Variants in POU6F2 observed in about 807,000 individuals in gnomAD.
POU6F2 encodes POU domain, class 6, transcription factor 2.
POU6F2 carries 31 observed loss-of-function variants against 71.3 expected under a neutral mutation model. The ratio of observed to expected loss-of-function variants is 0.43; its 90% CI spans 0.33 to 0.59. The LOEUF (loss-of-function observed/expected upper bound fraction) is 0.59, where lower values mean the gene tolerates loss of function less well. Ranked by LOEUF, POU6F2 falls within the 20% of genes least tolerant of loss-of-function variation. The pLI is 0.04. For missense variants in POU6F2, 783 were observed against 856.8 expected (o/e 0.91, Z 1.07); for synonymous variants, 347 against 355.7 (o/e 0.98, Z 0.27).
intron 4 of POU6F2, among the ~76,000 whole-genome samples, chr7:39,245,286 C>G (rs1373492754): frequency 6.6e-6 from 1 of 152,116 alleles, no homozygotes; most frequent in Non-Finnish European, 1.5e-5. Flanking sequence ...AAACTTGACC[C>G]AAGTAGAATT....
intron 4 of POU6F2, among the ~76,000 whole-genome samples, chr7:39,243,797 A>G (rs1212653035): frequency 1.3e-5 from 2 of 152,058 alleles, no homozygotes; most frequent in East Asian, 3.9e-4. Context: ...CCCAGAATCC[A>G]TCTGATTTGT....
At chr7:39,004,097 C>A (rs1463294548) in intron 1 of POU6F2, among the ~76,000 whole-genome samples, 2 of 152,020 alleles carry the variant, frequency 1.3e-5, no homozygotes, top group African/African-American at 4.8e-5. Context: ...GATAACAATT[C>A]ATCTTGATGT....
chr7:39,130,371 C>A (rs987512701), intron 2 of POU6F2, among the ~76,000 whole-genome samples: 2 of 152,090 alleles, frequency 1.3e-5, no homozygotes, highest in African/African-American at 4.8e-5. Flanking sequence ...TCTTTAAATA[C>A]AGGATGCCTG....
chr7:39,217,792 T>C (rs1794272774), intron 4 of POU6F2, among the ~76,000 whole-genome samples: 1 of 152,188 alleles, frequency 6.6e-6, no homozygotes, highest in African/African-American at 2.4e-5. Context: ...AGACTTTTTA[T>C]TTAAAATACC....
rs181252449 is a variant in POU6F2 at position 39,332,378 on chromosome 7, A to G, written c.599-7264A>G. Among the ~76,000 whole-genome samples the G allele has an allele frequency of 5.5e-3, 842 of 152,290 alleles. 5 individuals carry two copies. Among genetic ancestry groups the G allele is most frequent in the Middle Eastern group, 0.027 (8 of 294 alleles). On this transcript the variant is annotated intron_variant, in intron 4 of 9. Coordinates refer to ENST00000518318, the MANE Select transcript of POU6F2 (RefSeq NM_001370959.1). ...TGTGTTGCTCTCTTGAGTGACTTCA[A>G]CGCTGTTTCCTGGGTCCTTTGTCTT...
chr7:39,129,205 G>A (rs753871294), intron 2 of POU6F2, among the ~76,000 whole-genome samples: 1 of 152,148 alleles, frequency 6.6e-6, no homozygotes, highest in African/African-American at 2.4e-5. Context: ...TTAGGAGAAT[G>A]GCTTTCTCCT....
At chr7:39,035,920 C>CT (rs1562680174) in intron 1 of POU6F2, among the ~76,000 whole-genome samples, 2 of 34,134 alleles carry the variant, frequency 5.9e-5, no homozygotes, top group African/African-American at 9.4e-5. Context: ...TTCAAATAAA[C>CT]ATTTTTTTTT....
At chr7:39,402,347 A>G (rs1257374613) in intron 5 of POU6F2, among the ~76,000 whole-genome samples, 1 of 152,224 alleles carries the variant, frequency 6.6e-6, no homozygotes, top group Non-Finnish European at 1.5e-5. Context: ...TGAGATGAGC[A>G]CCAAATATCC....
At chr7:39,035,661 TA>T in intron 1 of POU6F2, among the ~76,000 whole-genome samples, 1 of 151,932 alleles carries the variant, frequency 6.6e-6, no homozygotes, top group Middle Eastern at 3.4e-3. Flanking sequence ...CTGGAGAAAT[TA>T]AGGAATATTA....
At chr7:39,200,454 G>A (rs1156361148) in intron 2 of POU6F2, among the ~76,000 whole-genome samples, 1 of 152,162 alleles carries the variant, frequency 6.6e-6, no homozygotes, top group Non-Finnish European at 1.5e-5. Flanking sequence ...TCCTGATTAT[G>A]CTACCATGGA....
intron 1 of POU6F2, among the ~76,000 whole-genome samples, chr7:39,060,037 G>A (rs890264064): frequency 4.6e-5 from 7 of 152,002 alleles, no homozygotes; most frequent in African/African-American, 1.7e-4. Flanking sequence ...GTGAAACCCC[G>A]TCTCTACTAA....
chr7:39,279,558 A>C (rs1251702415), intron 4 of POU6F2, among the ~76,000 whole-genome samples: 1 of 152,148 alleles, frequency 6.6e-6, no homozygotes, highest in Admixed American at 6.5e-5. Context: ...GAAGTCTGAA[A>C]TCAAGGTGTC....
chr7:39,210,779 A>G (rs563884954), intron 4 of POU6F2, among the ~76,000 whole-genome samples: 78 of 152,302 alleles, frequency 5.1e-4, no homozygotes, highest in Non-Finnish European at 8.5e-4. Flanking sequence ...CTGCATTTTT[A>G]AAAGATCCCC....
intron 4 of POU6F2, among the ~76,000 whole-genome samples, chr7:39,216,634 A>C (rs1794248128): frequency 6.6e-6 from 1 of 152,162 alleles, no homozygotes; most frequent in Non-Finnish European, 1.5e-5. Context: ...TTGTACAAAA[A>C]GGGGGAATTT....
chr7:39,309,588 A>G (rs1785119014), intron 4 of POU6F2, among the ~76,000 whole-genome samples: 1 of 152,214 alleles, frequency 6.6e-6, no homozygotes, highest in South Asian at 2.1e-4. Context: ...TCAGGTTCAC[A>G]AACTGAAGGG....
intron 1 of POU6F2, among the ~76,000 whole-genome samples, chr7:39,065,918 AT>A (rs1054939211): frequency 4.0e-5 from 6 of 151,780 alleles, no homozygotes; most frequent in African/African-American, 1.4e-4. Flanking sequence ...AGATAAAAAA[AT>A]ATTGAAAAGG....
At chr7:39,380,614 A>G (rs1207814503) in intron 5 of POU6F2, among the ~76,000 whole-genome samples, 1 of 152,220 alleles carries the variant, frequency 6.6e-6, no homozygotes, top group Non-Finnish European at 1.5e-5. Context: ...TAGCAAAAAA[A>G]GTCACCTCAT....
intron 4 of POU6F2, among the ~76,000 whole-genome samples, chr7:39,335,870 C>T (rs966974463): frequency 1.2e-4 from 19 of 152,194 alleles, no homozygotes; most frequent in Non-Finnish European, 1.8e-4. Flanking sequence ...CAGTTCCCAA[C>T]GCCCTGCCCT....
At chr7:39,025,242 A>G (rs1328302047) in intron 1 of POU6F2, among the ~76,000 whole-genome samples, 1 of 152,132 alleles carries the variant, frequency 6.6e-6, no homozygotes, top group Non-Finnish European at 1.5e-5. Flanking sequence ...GGGAGAGTGT[A>G]TGTGTCAGGG....
Sources: gnomAD v4.1 joint callset for allele counts (sites outside exome capture counted in the v4.1 genomes callset) on GRCh38, gnomAD v4.1.1 for gene constraint, MANE v1.5 for transcripts, NCBI Gene and HGNC (gene_info 2026-07-23, HGNC 2026-07-21) for gene names.